Variants in SGIP1 observed in about 807,000 individuals in gnomAD.
SGIP1 encodes SH3GL interacting endocytic adaptor 1, also known as SH3-containing GRB2-like protein 3-interacting protein 1.
SGIP1 carries 38 observed loss-of-function variants against 107.5 expected under a neutral mutation model. The ratio of observed to expected loss-of-function variants is 0.35; its 90% CI spans 0.27 to 0.46. The LOEUF (loss-of-function observed/expected upper bound fraction) is 0.46, where lower values mean the gene tolerates loss of function less well. Among genes scored for constraint, SGIP1 ranks in the 20% least tolerant of loss-of-function variants. The pLI is 1.00. For missense variants in SGIP1, 929 were observed against 1,019.5 expected (o/e 0.91, Z 1.21); for synonymous variants, 365 against 366.1 (o/e 1.00, Z 0.03).
intron 1 of SGIP1, among the ~76,000 whole-genome samples, chr1:66,581,581 C>T (rs567331118): frequency 1.2e-4 from 18 of 152,022 alleles, no homozygotes; most frequent in African/African-American, 4.1e-4. Context: ...ATGATTAAAT[C>T]CATCTCTATA....
chr1:66,733,241 G>T lies in SGIP1; in HGVS notation c.1899-507G>T, dbSNP rs113754041. Among the ~76,000 whole-genome samples, 339 of 152,324 alleles carry T rather than the reference G, an allele frequency of 2.2e-3. 2 individuals carry two copies. Among genetic ancestry groups the T allele is most frequent in the African/African-American group, 7.7e-3 (322 of 41,572 alleles). On this transcript the variant is annotated intron_variant, in intron 20 of 24. Transcript: ENST00000371037. Reference sequence around the variant, plus strand: ...AAATATTATGAATGCTGAAAAGGCAGCATGGTAATTTTAGTATCACTCTTT... The same window carrying T: ...AAATATTATGAATGCTGAAAAGGCATCATGGTAATTTTAGTATCACTCTTT...
At chr1:66,670,641 A>T (rs1475829363) in intron 9 of SGIP1, among the ~76,000 whole-genome samples, 1 of 152,232 alleles carries the variant, frequency 6.6e-6, no homozygotes, top group Non-Finnish European at 1.5e-5. Flanking sequence ...TTTAAGCATC[A>T]AATATATGCT....
chr1:66,681,894 C>G lies in SGIP1; in HGVS notation c.840C>G (p.Val280=), dbSNP rs371359928. 6.2e-7 allele frequency: 1 copy of G among 1,613,340 alleles called. No homozygotes were observed. ...GPGNDQSATE[V]KIEKLPSIND... The stretch of plus-strand genomic sequence containing the variant: ...GAAATGACCAGTCAGCCACAGAGGT[C>G]AAAATTGAAAAACTACCATCCATCA... Residue 280 remains valine, a synonymous_variant, in exon 15 of 25, where the codon GTC becomes GTG. Transcript: ENST00000371037.
intron 1 of SGIP1, among the ~76,000 whole-genome samples, chr1:66,610,321 A>G (rs528405601): frequency 6.6e-6 from 1 of 152,312 alleles, no homozygotes; most frequent in East Asian, 1.9e-4. Flanking sequence ...TACTTATTAC[A>G]CATATATACC....
intron 19 of SGIP1, among the ~76,000 whole-genome samples, chr1:66,726,638 AG>A (rs1287784578): frequency 9.2e-5 from 14 of 152,212 alleles, no homozygotes; most frequent in African/African-American, 3.4e-4. Context: ...CGGTGGAGAA[AG>A]GACAGTCTTC....
intron 1 of SGIP1, among the ~76,000 whole-genome samples, chr1:66,579,931 C>CACCAACTAT (rs1458300261): frequency 6.6e-6 from 1 of 152,102 alleles, no homozygotes; most frequent in East Asian, 1.9e-4. Flanking sequence ...CACTTTCAAT[C>CACCAACTAT]ACCAACTATT....
chr1:66,592,656 T>C (rs992463660), intron 1 of SGIP1, among the ~76,000 whole-genome samples: 4 of 152,190 alleles, frequency 2.6e-5, no homozygotes, highest in Non-Finnish European at 2.9e-5. Context: ...GTACATTCTA[T>C]AGGTTTGGGC....
intron 4 of SGIP1, among the ~76,000 whole-genome samples, chr1:66,639,151 G>A (rs6680364): frequency 0.54 from 81,507 of 152,066 alleles, 23,360 homozygotes; most frequent in African/African-American, 0.75. Context: ...GATCACATGG[G>A]TGACAAAAAT....
At chr1:66,663,542 C>T (rs1453647436) in intron 8 of SGIP1, among the ~76,000 whole-genome samples, 1 of 152,108 alleles carries the variant, frequency 6.6e-6, no homozygotes, top group Non-Finnish European at 1.5e-5. Flanking sequence ...ATATAAAGCC[C>T]TTCCATTTGC....
At chr1:66,568,540 G>C (rs991107781) in intron 1 of SGIP1, among the ~76,000 whole-genome samples, 2 of 152,038 alleles carry the variant, frequency 1.3e-5, no homozygotes, top group African/African-American at 4.8e-5. Context: ...TGTTGAATAG[G>C]AGTGGTGAGA....
chr1:66,648,255 T>C (rs1009401085), intron 7 of SGIP1, among the ~76,000 whole-genome samples: 3 of 152,170 alleles, frequency 2.0e-5, no homozygotes, highest in Non-Finnish European at 4.4e-5. Flanking sequence ...AGGCTGCCAA[T>C]AGCCCTCCCA....
intron 5 of SGIP1, among the ~76,000 whole-genome samples, chr1:66,642,135 C>A (rs2076905746): frequency 6.6e-6 from 1 of 152,204 alleles, no homozygotes. Flanking sequence ...GTAGCTACCT[C>A]AAGTCCAAAC....
chr1:66,548,530 A>G (rs1441746003), intron 1 of SGIP1, among the ~76,000 whole-genome samples: 3 of 152,136 alleles, frequency 2.0e-5, no homozygotes, highest in Non-Finnish European at 2.9e-5. Context: ...ATCCAAGGGT[A>G]TCATGCACTT....
chr1:66,734,880 A>G (rs1449155745), intron 21 of SGIP1, among the ~76,000 whole-genome samples: 4 of 152,184 alleles, frequency 2.6e-5, no homozygotes, highest in Non-Finnish European at 5.9e-5. Context: ...TAGGTACAAC[A>G]TGATATTTTG....
In SGIP1 at chr1:66,704,333, C is replaced by G. The variant is rs116771768; in HGVS notation, c.1630+8840C>G. The stretch of plus-strand genomic sequence containing the variant: ...GAGCAAGACAATGATTTGGAAGCAT[C>G]ATGCCACTGCGTTGCTGTACACCCT... On this transcript the variant is annotated intron_variant, in intron 18 of 24. Coordinates refer to ENST00000371037, the MANE Select transcript of SGIP1 (RefSeq NM_032291.4). The G allele has an allele frequency of 7.3e-3, 1,110 of 152,224 alleles. 4 individuals carry two copies. Among genetic ancestry groups the G allele is most frequent in the Non-Finnish European group, 0.013 (862 of 68,022 alleles). The allele number at this position is 152,224 out of a possible 1,614,324, so 9.4% of individuals were successfully genotyped here. A position where few individuals can be genotyped will look rare whatever the true frequency, so the allele number is the denominator to read the frequency against.
intron 23 of SGIP1, 63 bp from the exon 24 acceptor site, chr1:66,741,209 C>A: frequency 6.8e-7 from 1 of 1,462,614 alleles, no homozygotes; most frequent in Non-Finnish European, 9.1e-7. Flanking sequence ...TGAATGCAAC[C>A]TCCAAAATTA....
chr1:66,722,561 T>C (rs896972698), intron 19 of SGIP1, among the ~76,000 whole-genome samples: 1 of 152,210 alleles, frequency 6.6e-6, no homozygotes, highest in African/African-American at 2.4e-5. Flanking sequence ...ATGGCTACTA[T>C]GTACCTGCCA....
chr1:66,652,254 G>A (rs904185152), intron 7 of SGIP1, among the ~76,000 whole-genome samples: 4 of 151,784 alleles, frequency 2.6e-5, no homozygotes, highest in Non-Finnish European at 5.9e-5. Context: ...TCCCAGAAAA[G>A]GTGCCATTAA....
intron 17 of SGIP1, among the ~76,000 whole-genome samples, chr1:66,690,927 A>G (rs973925181): frequency 6.6e-6 from 1 of 152,162 alleles, no homozygotes; most frequent in African/African-American, 2.4e-5. Context: ...TGCTGTGACG[A>G]AAGTAAAGAG....
Sources: allele counts gnomAD v4.1 joint callset (sites outside exome capture counted in the v4.1 genomes callset), GRCh38; gene constraint gnomAD v4.1.1; transcripts MANE v1.5; gene names NCBI Gene and HGNC (gene_info 2026-07-23, HGNC 2026-07-21).